The following ITCH variants were observed in gnomAD, a reference collection of about 807,000 sequenced individuals.
ITCH encodes the protein itchy E3 ubiquitin protein ligase, also known as E3 ubiquitin-protein ligase Itchy homolog.
Under a neutral mutation model 126.8 loss-of-function variants are expected in ITCH, and 28 were observed. The ratio of observed to expected loss-of-function variants is 0.22; its 90% confidence interval spans 0.16 to 0.30. The LOEUF is 0.30. Among genes scored for constraint, ITCH ranks in the 10% least tolerant of loss-of-function variants. ITCH has a pLI of 1.00. For synonymous variants in ITCH, 342 were observed against 340.0 expected, an observed-to-expected ratio of 1.01 and a Z score of -0.06; for missense variants, 631 against 1,032.4, an observed-to-expected ratio of 0.61 and a Z score of 5.33.
intron 24 of ITCH, 110 bp from the exon 25 acceptor site, chr20:34,507,585 A>G: frequency 1.2e-6 from 1 of 815,236 alleles, no homozygotes; most frequent in South Asian, 1.4e-5. Context: ...CCTTTGAAGC[A>G]CAGTAGTATA....
chr20:34,402,923 T>G (rs971598632), intron 3 of ITCH, among the ~76,000 whole-genome samples: 1 of 152,228 alleles, frequency 6.6e-6, no homozygotes, highest in South Asian at 2.1e-4. Flanking sequence ...TTAATCGTAA[T>G]TAAATATTAC....
At chr20:34,416,162 G>T (rs1979812117) in intron 6 of ITCH, among the ~76,000 whole-genome samples, 1 of 152,142 alleles carries the variant, frequency 6.6e-6, no homozygotes, top group South Asian at 2.1e-4. Context: ...ACTCTGGGAG[G>T]CCGAGGCAGG....
intron 7 of ITCH, among the ~76,000 whole-genome samples, chr20:34,436,024 T>C (rs1279199959): frequency 6.6e-6 from 1 of 152,170 alleles, no homozygotes; most frequent in Non-Finnish European, 1.5e-5. Flanking sequence ...GATGACTCCA[T>C]TGAAAAATTG....
rs114438487 is a variant in ITCH, at chr20:34,438,396, C to T, written c.522-78C>T. ...TTAAAAACTTAGAAGTTTTCATCCT[C>T]CTGCTGTTTTTTTTCTTAAATTCAA... is the stretch of plus-strand genomic sequence containing the variant. On this transcript the variant is annotated intron_variant, in intron 7 of 24. Transcript: ENST00000374864. 1,331 of 1,479,104 alleles carry T rather than the reference C, an allele frequency of 9.0e-4. 16 individuals are homozygous for T. The African/African-American group carries it at 0.017, about 19-fold the overall frequency. 91.6% of individuals were successfully genotyped at this position (1,479,104 alleles called of 1,614,324 possible).
At chr20:34,416,174 G>A (rs1979814743) in intron 6 of ITCH, among the ~76,000 whole-genome samples, 1 of 152,092 alleles carries the variant, frequency 6.6e-6, no homozygotes, top group African/African-American at 2.4e-5. Context: ...CGAGGCAGGC[G>A]GATCACCTAA....
chr20:34,484,231 A>G (rs1362083653), intron 20 of ITCH, among the ~76,000 whole-genome samples: 2 of 152,206 alleles, frequency 1.3e-5, no homozygotes, highest in Admixed American at 6.5e-5. Flanking sequence ...GGTTCATGCT[A>G]CTAGTCTCAA....
At chr20:34,456,873 C>G (rs563580486) in intron 12 of ITCH, among the ~76,000 whole-genome samples, 2 of 151,262 alleles carry the variant, frequency 1.3e-5, no homozygotes, top group Non-Finnish European at 2.9e-5. Context: ...TGAGCCACCC[C>G]GCCTGGCACC....
At chr20:34,387,910 G>A (rs1055726266) in intron 2 of ITCH, among the ~76,000 whole-genome samples, 2 of 151,890 alleles carry the variant, frequency 1.3e-5, no homozygotes, top group African/African-American at 4.8e-5. Context: ...TCACCATGTT[G>A]GACAGGATGG....
chr20:34,391,249 A>T (rs1419836577), intron 2 of ITCH, among the ~76,000 whole-genome samples: 1 of 152,222 alleles, frequency 6.6e-6, no homozygotes, highest in African/African-American at 2.4e-5. Flanking sequence ...ACAAAACTAC[A>T]GTTCCCTATG....
At chr20:34,449,825 C>T (rs1984972464) in intron 12 of ITCH, among the ~76,000 whole-genome samples, 1 of 152,098 alleles carries the variant, frequency 6.6e-6, no homozygotes, top group Non-Finnish European at 1.5e-5. Flanking sequence ...GAAAGTCAGT[C>T]TCAAAAGATC....
At chr20:34,413,344 C>G (rs574677205) in intron 5 of ITCH, among the ~76,000 whole-genome samples, 2 of 152,054 alleles carry the variant, frequency 1.3e-5, no homozygotes, top group Non-Finnish European at 2.9e-5. Flanking sequence ...AAACATACTT[C>G]TAAAAATTTT....
At chr20:34,480,994 C>G in intron 19 of ITCH, 72 bp from the exon 20 acceptor site, 1 of 1,468,442 alleles carries the variant, frequency 6.8e-7, no homozygotes, top group East Asian at 2.3e-5. Context: ...GAACATGGGC[C>G]TTTCGTTAAA....
chr20:34,429,540 A>G (rs1300775341), intron 7 of ITCH, among the ~76,000 whole-genome samples: 2 of 152,186 alleles, frequency 1.3e-5, no homozygotes, highest in African/African-American at 2.4e-5. Context: ...CAGGGTCTAC[A>G]TTTTGAGAAC....
intron 3 of ITCH, among the ~76,000 whole-genome samples, chr20:34,406,789 C>G (rs768422106): frequency 1.3e-5 from 2 of 152,212 alleles, no homozygotes; most frequent in African/African-American, 4.8e-5. Context: ...CCGTCTCAGT[C>G]TCCCAAAGTG....
intron 3 of ITCH, among the ~76,000 whole-genome samples, chr20:34,404,757 C>T (rs1199462754): frequency 6.6e-6 from 1 of 151,996 alleles, no homozygotes; most frequent in Non-Finnish European, 1.5e-5. Flanking sequence ...ATACCTGTTT[C>T]GCAGAATAGG....
Position 34,457,283 on chromosome 20 carries a change from CAATGA to C in ITCH, c.1211-101_1211-97del. 7 of 766,180 alleles carry C rather than the reference CAATGA, an allele frequency of 9.1e-6. No homozygotes were observed. In the South Asian group the frequency reaches 1.1e-4, roughly 12 times the overall value. 47.5% of individuals were successfully genotyped at this position (766,180 alleles called of 1,614,324 possible). ...TGTGATTTAAAAACTATAAAATAAACAATGAAATGAGAAATGGGCAAATTCAAATA... is the reference window on the plus strand; with the variant it reads ...TGTGATTTAAAAACTATAAAATAAACAATGAGAAATGGGCAAATTCAAATA... On this transcript the variant is annotated intron_variant, in intron 12 of 24. Transcript: ENST00000374864.
intron 3 of ITCH, among the ~76,000 whole-genome samples, chr20:34,396,414 C>A (rs1177473471): frequency 6.6e-6 from 1 of 151,974 alleles, no homozygotes; most frequent in African/African-American, 2.4e-5. Context: ...ACATTCTTGC[C>A]AGTGATTATC....
Position 34,442,300 on chromosome 20 carries a change from C to T in ITCH, c.962C>T (p.Pro321Leu). Reference sequence around the variant, plus strand: ...TGGGATAGACCAGAACCTCTACCTCCTGGGTAAGTATCTAAATTTAAAAAG... The same window carrying T: ...TGGGATAGACCAGAACCTCTACCTCTTGGGTAAGTATCTAAATTTAAAAAG... Reference protein sequence around the residue: ...TTWDRPEPLPPGWERRVDNMG... With the variant: ...TTWDRPEPLPLGWERRVDNMG... Residue 321 changes from proline to leucine, a missense_variant, in exon 10 of 25, where the codon CCT becomes CTT. By Grantham distance (98) the Pro-to-Leu change is moderately conservative. Coordinates refer to ENST00000374864, the MANE Select transcript of ITCH (RefSeq NM_031483.7). 6.3e-7 allele frequency: 1 copy of T among 1,592,966 alleles called. No homozygotes were observed. Among genetic ancestry groups the T allele is most frequent in the South Asian group, 1.1e-5 (1 of 90,646 alleles).
Position 34,511,417 on chromosome 20 carries a change from T to C in ITCH, c.*3623T>C, listed in dbSNP as rs1249658115. 6.6e-6 allele frequency: 1 copy of C among 152,208 alleles called. No homozygotes were observed. 9.4% of individuals were successfully genotyped at this position (152,208 alleles called of 1,614,324 possible). A position where few individuals can be genotyped will look rare whatever the true frequency, so the allele number is the denominator to read the frequency against. ...CATTTGCATGCTTTTCTATCAGTCTTGGGTAAGGAGGGGTCTCTTTCCTCT... is the reference window on the plus strand; with the variant it reads ...CATTTGCATGCTTTTCTATCAGTCTCGGGTAAGGAGGGGTCTCTTTCCTCT... On this transcript the variant is annotated 3_prime_UTR_variant, in exon 25 of 25. Transcript: ENST00000374864.
Sources: allele counts gnomAD v4.1 joint callset (sites outside exome capture counted in the v4.1 genomes callset), GRCh38; gene constraint gnomAD v4.1.1; transcripts MANE v1.5; gene names NCBI Gene and HGNC (gene_info 2026-07-23, HGNC 2026-07-21).